The following PRKG1 variants were observed in gnomAD, a reference collection of about 807,000 sequenced individuals.
The protein encoded by PRKG1 is cGMP-dependent protein kinase 1.
Under a neutral mutation model 88.1 loss-of-function variants are expected in PRKG1, and 35 were observed. The ratio of observed to expected loss-of-function variants is 0.40; its 90% CI spans 0.30 to 0.53. The LOEUF (loss-of-function observed/expected upper bound fraction) is 0.53. Ranked by LOEUF, PRKG1 falls within the 20% of genes least tolerant of loss-of-function variation. PRKG1 has a pLI of 0.59. For synonymous variants in PRKG1, 303 were observed against 292.5 expected (o/e 1.04, Z -0.37); for missense variants, 540 against 839.8 (o/e 0.64, Z 4.41).
intron 2 of PRKG1, among the ~76,000 whole-genome samples, chr10:51,420,037 TG>T (rs1838364897): frequency 6.6e-6 from 1 of 152,018 alleles, no homozygotes; most frequent in South Asian, 2.1e-4. Flanking sequence ...TCTGGGATGT[TG>T]GGGGGCAGGT....
intron 6 of PRKG1, among the ~76,000 whole-genome samples, chr10:52,058,058 T>C (rs1019560504): frequency 6.6e-6 from 1 of 151,928 alleles, no homozygotes; most frequent in Admixed American, 6.6e-5. Flanking sequence ...GGATTTTATA[T>C]AGACATATAT....
At position 51,547,888 on chromosome 10, in the gene PRKG1, CA is replaced by C. The variant is rs144546239; in HGVS notation, c.592+80053del. ...TTTCCCTATTACGACAAAAAGCTGT[CA>C]CCTCAAAGTTGGTGAATGAATTATT... On this transcript the variant is annotated intron_variant, in intron 3 of 17. Coordinates refer to ENST00000373980, the MANE Select transcript of PRKG1 (RefSeq NM_006258.4). Among the ~76,000 whole-genome samples, 19 of 152,206 alleles carry C rather than the reference CA, an allele frequency of 1.2e-4. No individual in the cohort carries two copies. The East Asian group carries it at 3.7e-3, about 29-fold the overall frequency.
chr10:52,247,453 A>T (rs1841055316), intron 9 of PRKG1, among the ~76,000 whole-genome samples: 1 of 152,160 alleles, frequency 6.6e-6, no homozygotes, highest in African/African-American at 2.4e-5. Flanking sequence ...CCTCAGGCAA[A>T]AGAAGGTTGT....
At chr10:52,243,582 A>G (rs1009293312) in intron 9 of PRKG1, among the ~76,000 whole-genome samples, 1 of 152,200 alleles carries the variant, frequency 6.6e-6, no homozygotes, top group Non-Finnish European at 1.5e-5. Flanking sequence ...TTTATGTGGA[A>G]TAAGCATAAA....
At chr10:52,202,931 G>T (rs1413496576) in intron 9 of PRKG1, among the ~76,000 whole-genome samples, 1 of 151,692 alleles carries the variant, frequency 6.6e-6, no homozygotes, top group East Asian at 1.9e-4. Context: ...TCTAGCTAGT[G>T]GTCTATCATT....
intron 5 of PRKG1, among the ~76,000 whole-genome samples, chr10:51,943,985 G>A (rs568749310): frequency 2.0e-5 from 3 of 152,162 alleles, no homozygotes; most frequent in African/African-American, 7.2e-5. Flanking sequence ...AGTTAGGGAG[G>A]ATTCCCTCTT....
intron 4 of PRKG1, among the ~76,000 whole-genome samples, chr10:51,832,981 T>C (rs1370159286): frequency 6.6e-6 from 1 of 152,188 alleles, no homozygotes; most frequent in African/African-American, 2.4e-5. Flanking sequence ...TAATGTCGAT[T>C]ACAGGGAGGG....
intron 2 of PRKG1, among the ~76,000 whole-genome samples, chr10:51,316,955 T>C (rs1386346724): frequency 1.3e-5 from 2 of 152,168 alleles, no homozygotes; most frequent in Non-Finnish European, 2.9e-5. Flanking sequence ...CTCTTGACTT[T>C]TTATGATAGC....
intron 4 of PRKG1, among the ~76,000 whole-genome samples, chr10:51,855,134 ATTGT>A (rs1564676673): frequency 6.6e-6 from 1 of 152,204 alleles, no homozygotes; most frequent in Non-Finnish European, 1.5e-5. Flanking sequence ...TTAGTAGCAC[ATTGT>A]TTGTCAGAGT....
chr10:51,480,925 G>A (rs1840337513), intron 3 of PRKG1, among the ~76,000 whole-genome samples: 1 of 152,054 alleles, frequency 6.6e-6, no homozygotes, highest in African/African-American at 2.4e-5. Context: ...GAGAATGGGG[G>A]AGGTGGTGGT....
chr10:51,347,571 T>C (rs1315321133), intron 2 of PRKG1, among the ~76,000 whole-genome samples: 3 of 152,154 alleles, frequency 2.0e-5, no homozygotes, highest in African/African-American at 7.2e-5. Context: ...TAGTTTCTCG[T>C]TGGTTTTCAA....
intron 2 of PRKG1, among the ~76,000 whole-genome samples, chr10:51,164,492 TCTC>T (rs1444218233): frequency 9.9e-5 from 15 of 151,958 alleles, no homozygotes; most frequent in Non-Finnish European, 1.8e-4. Context: ...GCAGAGCGCC[TCTC>T]CTCCTCCAAA....
At chr10:51,551,511 C>T (rs1344723914) in intron 3 of PRKG1, among the ~76,000 whole-genome samples, 1 of 151,744 alleles carries the variant, frequency 6.6e-6, no homozygotes, top group East Asian at 1.9e-4. Flanking sequence ...AGCTATTAAT[C>T]TAATTGAATA....
intron 3 of PRKG1, among the ~76,000 whole-genome samples, chr10:51,545,217 C>A (rs567998326): frequency 1.3e-5 from 2 of 152,194 alleles, no homozygotes; most frequent in East Asian, 3.9e-4. Flanking sequence ...TCCTCCCCTT[C>A]CCCCAATGCC....
intron 2 of PRKG1, among the ~76,000 whole-genome samples, chr10:51,339,576 G>A (rs566919896): frequency 3.4e-4 from 51 of 151,424 alleles, no homozygotes; most frequent in African/African-American, 6.1e-4. Flanking sequence ...ATAAGATACC[G>A]TAACATTTTG....
chr10:51,663,634 T>C (rs1187326005), intron 3 of PRKG1, among the ~76,000 whole-genome samples: 3 of 149,978 alleles, frequency 2.0e-5, no homozygotes, highest in Admixed American at 6.7e-5. Flanking sequence ...ACAGGATCAC[T>C]TGAGCGCAGA....
chr10:52,233,684 T>C (rs1003414998), intron 9 of PRKG1, among the ~76,000 whole-genome samples: 11 of 140,506 alleles, frequency 7.8e-5, no homozygotes, highest in Non-Finnish European at 1.7e-4. Flanking sequence ...ATCTCGCTGA[T>C]TGCTAGCACA....
intron 7 of PRKG1, among the ~76,000 whole-genome samples, chr10:52,108,975 G>A (rs1847491980): frequency 6.6e-6 from 1 of 151,890 alleles, no homozygotes; most frequent in Non-Finnish European, 1.5e-5. Context: ...CTATAGGGGA[G>A]AGCCACCATA....
chr10:52,142,906 C>G (rs1468301378), intron 8 of PRKG1, among the ~76,000 whole-genome samples: 5 of 152,106 alleles, frequency 3.3e-5, no homozygotes, highest in African/African-American at 1.2e-4. Flanking sequence ...ATTTGGTTCA[C>G]TACTGTATCC....
Sources: gnomAD v4.1 joint callset for allele counts (sites outside exome capture counted in the v4.1 genomes callset) on GRCh38, gnomAD v4.1.1 for gene constraint, MANE v1.5 for transcripts, NCBI Gene and HGNC (gene_info 2026-07-23, HGNC 2026-07-21) for gene names.